Variants in SGMS2 observed in about 807,000 individuals in gnomAD.
SGMS2 encodes the protein sphingomyelin synthase 2.
Under a neutral mutation model 43.8 loss-of-function variants are expected in SGMS2, and 21 were observed. The observed-to-expected ratio is 0.48, with a 90% CI of 0.34 to 0.69. The LOEUF (loss-of-function observed/expected upper bound fraction) is 0.69, where lower values mean the gene tolerates loss of function less well. Ranked by LOEUF, SGMS2 falls within the 30% of genes least tolerant of loss-of-function variation. The pLI, the probability that SGMS2 is intolerant of heterozygous loss-of-function variation, is 0.01. For synonymous variants in SGMS2, 167 were observed against 160.6 expected, an observed-to-expected ratio of 1.04 and a Z score of -0.30; for missense variants, 384 against 443.2, an observed-to-expected ratio of 0.87 and a Z score of 1.20.
intron 4 of SGMS2, 58 bp from the exon 5 acceptor site, chr4:107,903,175 C>T: frequency 6.5e-7 from 1 of 1,541,708 alleles, no homozygotes; most frequent in South Asian, 1.1e-5. Context: ...CACAATTAGA[C>T]TGAAACATGA....
rs553687035 is a variant in SGMS2, at chr4:107,870,401, GT to G, written c.-245+11849del. On this transcript the variant is annotated intron_variant, in intron 2 of 6. Coordinates refer to ENST00000690982, the MANE Select transcript of SGMS2 (RefSeq NM_001375905.1). ...TTTACTCCGAGTAGCTGATTGGATG[GT>G]GGTACCGTTTACTGTGATAAGAAAT... 7.2e-5 allele frequency among the ~76,000 whole-genome samples: 11 copies of G among 152,302 alleles called. No individual in the cohort carries two copies. In the East Asian group the frequency reaches 2.1e-3, roughly 29 times the overall value.
At chr4:107,867,765 T>A (rs1372011405) in intron 2 of SGMS2, 30 of 152,272 alleles carry the variant, frequency 2.0e-4, no homozygotes, top group African/African-American at 6.7e-4. Context: ...GAGTGTTAGC[T>A]ATAGCTCTTG....
At chr4:107,897,343 C>T (rs181733481) in intron 3 of SGMS2, among the ~76,000 whole-genome samples, 2 of 152,274 alleles carry the variant, frequency 1.3e-5, no homozygotes. Context: ...GTAACCTGCT[C>T]CTGAAATTGT....
At chr4:107,885,947 A>G (rs1200111228) in intron 2 of SGMS2, among the ~76,000 whole-genome samples, 1 of 152,206 alleles carries the variant, frequency 6.6e-6, no homozygotes, top group East Asian at 1.9e-4. Context: ...AGCTGTAAAA[A>G]TTAGCTGATG....
At chr4:107,869,773 C>T (rs760012400) in intron 2 of SGMS2, among the ~76,000 whole-genome samples, 4 of 152,042 alleles carry the variant, frequency 2.6e-5, no homozygotes, top group Non-Finnish European at 5.9e-5. Context: ...AAAAGATTTC[C>T]TGTGATAATT....
chr4:107,891,315 AAC>A (rs1730200139), intron 2 of SGMS2, among the ~76,000 whole-genome samples: 1 of 89,970 alleles, frequency 1.1e-5, no homozygotes, highest in Admixed American at 1.2e-4. Context: ...AATAAAAAAA[AAC>A]AGTTAAGCAA....
intron 2 of SGMS2, among the ~76,000 whole-genome samples, chr4:107,860,525 GTTT>G (rs1361818849): frequency 7.0e-6 from 1 of 141,994 alleles, no homozygotes. Flanking sequence ...AGAGGAAGGT[GTTT>G]TTTTTTTTTT....
intron 2 of SGMS2, among the ~76,000 whole-genome samples, chr4:107,890,709 G>GA (rs1403454263): frequency 4.7e-5 from 7 of 150,420 alleles, no homozygotes; most frequent in Non-Finnish European, 1.0e-4. Context: ...TCCTGGGGGA[G>GA]AAAAAAGGAA....
At position 107,910,418 on chromosome 4, in the gene SGMS2, T is replaced by C; in HGVS notation, c.963T>C (p.Phe321=). The C allele has an allele frequency of 6.2e-7, 1 of 1,613,848 alleles. No individual in the cohort carries two copies. Among genetic ancestry groups the C allele is most frequent in the Non-Finnish European group, 8.5e-7 (1 of 1,179,746 alleles). The change falls in exon 7 of 7, where the codon TTT becomes TTC. Residue 321 remains phenylalanine, a synonymous_variant. Coordinates refer to ENST00000690982, the MANE Select transcript of SGMS2 (RefSeq NM_001375905.1). ...RAWWFPIFYF[F]EKNVQGSIPC... ...GGTGGTTCCCCATCTTTTATTTTTT[T>C]GAGAAAAATGTACAAGGCTCAATTC...
intron 2 of SGMS2, chr4:107,866,908 C>T (rs1728173040): frequency 6.6e-6 from 1 of 151,956 alleles, no homozygotes; most frequent in Admixed American, 6.6e-5. Flanking sequence ...AATTACTGAC[C>T]CAGGATTAAT....
chr4:107,861,724 TG>T, intron 2 of SGMS2, among the ~76,000 whole-genome samples: 1 of 152,368 alleles, frequency 6.6e-6, no homozygotes, highest in South Asian at 2.1e-4. Context: ...ATGTTTAAGT[TG>T]AAAATCTTTG....
In SGMS2 at chr4:107,910,762, A is replaced by G. The variant is rs568514489; in HGVS notation, c.*209A>G. On this transcript the variant is annotated 3_prime_UTR_variant, in exon 7 of 7. Coordinates refer to ENST00000690982, the MANE Select transcript of SGMS2 (RefSeq NM_001375905.1). Reference sequence around the variant, plus strand: ...AAGATACATTCTCTTGCAGCTCTTCATTCATTGGTGACAAGCCCCCACCCC... The same window carrying G: ...AAGATACATTCTCTTGCAGCTCTTCGTTCATTGGTGACAAGCCCCCACCCC... 2,096 of 534,194 alleles carry G rather than the reference A, an allele frequency of 3.9e-3. 4 individuals carry two copies. The highest frequency in any genetic ancestry group is 5.3e-3 in the Non-Finnish European group (1,619 of 305,510). 33.1% of individuals were successfully genotyped at this position (534,194 alleles called of 1,614,324 possible).
intron 2 of SGMS2, among the ~76,000 whole-genome samples, chr4:107,890,978 T>A (rs1009471016): frequency 6.6e-6 from 1 of 152,180 alleles, no homozygotes; most frequent in African/African-American, 2.4e-5. Flanking sequence ...ACCCTAGCTA[T>A]TGAAATGCAG....
intron 1 of SGMS2, among the ~76,000 whole-genome samples, chr4:107,856,252 TATAAG>T (rs1426593756): frequency 9.8e-5 from 15 of 152,330 alleles, no homozygotes; most frequent in African/African-American, 3.1e-4. Context: ...ATCATGAACT[TATAAG>T]ATACTATTTA....
chr4:107,856,184 T>C (rs1727416966), intron 1 of SGMS2, among the ~76,000 whole-genome samples: 1 of 152,226 alleles, frequency 6.6e-6, no homozygotes, highest in African/African-American at 2.4e-5. Context: ...TTGCTGTTGT[T>C]ATATAATTTA....
intron 2 of SGMS2, chr4:107,867,887 T>C (rs913402160): frequency 6.6e-6 from 1 of 152,196 alleles, no homozygotes; most frequent in African/African-American, 2.4e-5. Context: ...CCAATTTTAG[T>C]ATATGTGTTG....
chr4:107,854,907 A>G (rs530467975), intron 1 of SGMS2, among the ~76,000 whole-genome samples: 1 of 152,256 alleles, frequency 6.6e-6, no homozygotes, highest in South Asian at 2.1e-4. Context: ...GTTAAGTGTC[A>G]AATGCTTTCT....
chr4:107,886,542 A>C (rs1729767556), intron 2 of SGMS2: 1 of 151,894 alleles, frequency 6.6e-6, no homozygotes, highest in Non-Finnish European at 1.5e-5. Context: ...AGACTTTTTT[A>C]AAACCAGCCC....
At chr4:107,871,557 A>G (rs779279885) in intron 2 of SGMS2, among the ~76,000 whole-genome samples, 2 of 151,988 alleles carry the variant, frequency 1.3e-5, no homozygotes, top group African/African-American at 2.4e-5. Context: ...TTAGGACCCA[A>G]TTCTGCACAG....
Sources: allele counts gnomAD v4.1 joint callset (sites outside exome capture counted in the v4.1 genomes callset), GRCh38; gene constraint gnomAD v4.1.1; transcripts MANE v1.5; gene names NCBI Gene and HGNC (gene_info 2026-07-23, HGNC 2026-07-21).